The following NOTCH2 variants were observed in gnomAD, a reference collection of about 807,000 sequenced individuals.
NOTCH2 encodes the protein neurogenic locus notch homolog protein 2.
NOTCH2 carries 29 observed loss-of-function variants against 235.8 expected under a neutral mutation model. That is an observed-to-expected ratio of 0.12 (90% CI 0.09 to 0.17). The LOEUF is 0.17. NOTCH2 is among the 10% of genes least tolerant of loss of function. NOTCH2 has a pLI of 1.00. For synonymous variants in NOTCH2, 1,086 were observed against 1,141.5 expected, an observed-to-expected ratio of 0.95 and a Z score of 0.98; for missense variants, 2,285 against 3,150.2, an observed-to-expected ratio of 0.73 and a Z score of 6.57.
At chr1:119,932,653 C>CTCAG (rs1649711205) in intron 22 of NOTCH2, among the ~76,000 whole-genome samples, 2 of 135,508 alleles carry the variant, frequency 1.5e-5, no homozygotes, top group East Asian at 2.3e-4. Context: ...CTATCTATCT[C>CTCAG]AGAGAGAGAG....
intron 1 of NOTCH2, among the ~76,000 whole-genome samples, chr1:120,033,696 A>AT (rs1654190757): frequency 1.3e-5 from 2 of 150,020 alleles, no homozygotes. Flanking sequence ...CACAAGAAGA[A>AT]TTTTTTTGTA....
At chr1:119,984,796 A>T (rs1651948312) in intron 5 of NOTCH2, among the ~76,000 whole-genome samples, 1 of 152,202 alleles carries the variant, frequency 6.6e-6, no homozygotes, top group Admixed American at 6.5e-5. Context: ...AATAATATCA[A>T]TACAAACGTG....
chr1:119,941,971 C>T (rs1436420560), intron 17 of NOTCH2, among the ~76,000 whole-genome samples: 1 of 152,190 alleles, frequency 6.6e-6, no homozygotes. Flanking sequence ...TCATCTATGT[C>T]ACCACCAACA....
chr1:119,985,572 C>G (rs1019833763), intron 5 of NOTCH2, among the ~76,000 whole-genome samples: 1 of 152,096 alleles, frequency 6.6e-6, no homozygotes, highest in Non-Finnish European at 1.5e-5. Context: ...CATCAGAAGC[C>G]TCAGTACTAC....
At position 119,969,515 on chromosome 1, in the gene NOTCH2, C is replaced by T. The variant is rs782275555; in HGVS notation, c.1104G>A (p.Lys368=). 2 of 1,613,652 alleles carry T rather than the reference C, an allele frequency of 1.2e-6. No homozygotes were observed. The highest frequency in any genetic ancestry group is 1.1e-5 in the South Asian group (1 of 91,050). Residue 368 remains lysine (K), a synonymous_variant, in exon 6 of 34, where the codon AAG becomes AAA. Transcript: ENST00000256646. ...ASFSCMCPEG[K]AGLLCHLDDA... is the part of the protein sequence containing the mutation. The stretch of plus-strand genomic sequence containing the variant: ...ATCCGTCCTTCTGCTACCTACCTGC[C>T]TTCCCCTCTGGGCACATGCAAGAGA...
Position 119,920,283 on chromosome 1 carries a change from G to A in NOTCH2, c.5425C>T (p.Pro1809Ser). The change falls in exon 30 of 34, where the codon CCT becomes TCT. Residue 1809 changes from proline to serine, a missense_variant. By Grantham distance (74) the Pro-to-Ser change is moderately conservative. Transcript: ENST00000256646. ...TCCACCTCCTGCTCTGCCTGAGGAG[G>A]GGTGAGAGCCAGCGATGGTGTCCTA... ...IRRTPSLALT[P>S]PQAEQEVDVL... 1 of 1,614,190 alleles carries A rather than the reference G, an allele frequency of 6.2e-7. No homozygotes were observed. The highest frequency in any genetic ancestry group is 8.5e-7 in the Non-Finnish European group (1 of 1,180,036).
At chr1:120,048,394 T>TA (rs1654884425) in intron 1 of NOTCH2, among the ~76,000 whole-genome samples, 1 of 134,850 alleles carries the variant, frequency 7.4e-6, no homozygotes, top group Non-Finnish European at 1.5e-5. Flanking sequence ...AACAATGGAC[T>TA]AAAGCATGCA....
intron 23 of NOTCH2, among the ~76,000 whole-genome samples, chr1:119,927,011 C>T (rs893616662): frequency 3.3e-5 from 5 of 152,238 alleles, no homozygotes; most frequent in African/African-American, 1.2e-4. Flanking sequence ...ATAGGAGAGG[C>T]TACACCAGGC....
At chr1:119,995,917 C>T (rs1240722787) in intron 4 of NOTCH2, 2 of 152,264 alleles carry the variant, frequency 1.3e-5, no homozygotes, top group Admixed American at 1.3e-4. Flanking sequence ...ATAAAACACA[C>T]AATCCCATTA....
At chr1:119,932,321 C>T (rs1214103549) in intron 22 of NOTCH2, among the ~76,000 whole-genome samples, 1 of 152,116 alleles carries the variant, frequency 6.6e-6, no homozygotes, top group Non-Finnish European at 1.5e-5. Context: ...GGTGTGGTGG[C>T]TCACGCCTGT....
At chr1:119,968,283 G>A in intron 6 of NOTCH2, 51 bp from the exon 7 acceptor site, 1 of 1,584,466 alleles carries the variant, frequency 6.3e-7, no homozygotes, top group South Asian at 1.1e-5. Context: ...CTCTCACTTG[G>A]GGAAGAGCTT....
chr1:119,951,956 C>T (rs966380201), intron 14 of NOTCH2, among the ~76,000 whole-genome samples: 10 of 152,130 alleles, frequency 6.6e-5, no homozygotes, highest in Non-Finnish European at 1.5e-4. Context: ...CAATGTAATA[C>T]AATATATCAG....
intron 32 of NOTCH2, 53 bp downstream of exon 32, chr1:119,918,353 G>A (rs1158362539): frequency 8.1e-6 from 13 of 1,604,940 alleles, no homozygotes; most frequent in South Asian, 2.2e-5. Flanking sequence ...TATTCCCCTC[G>A]TCAGAGGCAT....
chr1:120,015,969 GA>G (rs1322071580), intron 2 of NOTCH2, among the ~76,000 whole-genome samples: 3 of 129,876 alleles, frequency 2.3e-5, no homozygotes, highest in Non-Finnish European at 3.3e-5. Context: ...AAAAAAGAAA[GA>G]AAAAAAGGAA....
At chr1:119,917,352 G>T (rs587603100) in intron 33 of NOTCH2, among the ~76,000 whole-genome samples, 3 of 152,142 alleles carry the variant, frequency 2.0e-5, no homozygotes, top group Non-Finnish European at 4.4e-5. Flanking sequence ...GAAAGAAAAC[G>T]AGAAAAAGAA....
At chr1:119,971,860 T>G (rs1407532238) in intron 5 of NOTCH2, among the ~76,000 whole-genome samples, 1 of 152,220 alleles carries the variant, frequency 6.6e-6, no homozygotes, top group Admixed American at 6.5e-5. Flanking sequence ...AGATGCCTCT[T>G]GCAACAGGTC....
chr1:119,918,511 T>C lies in NOTCH2; in HGVS notation c.5824A>G (p.Asn1942Asp). ...AGGATCAGGGGTGTAGTACCATCAT[T>C]CATCCTGGCATCTAGATCAGTTACT... ...NRVTDLDARM[N>D]DGTTPLILAA... Residue 1942 changes from asparagine to aspartate, a missense_variant, in exon 32 of 34, where the codon AAT becomes GAT. Physicochemically the swap from Asn to Asp is conservative, Grantham distance 23. Transcript: ENST00000256646. 1.2e-6 allele frequency: 2 copies of C among 1,614,164 alleles called. No homozygotes were observed. The highest frequency in any genetic ancestry group is 1.7e-6 in the Non-Finnish European group (2 of 1,180,030).
chr1:120,042,368 T>C (rs1183020939), intron 1 of NOTCH2, among the ~76,000 whole-genome samples: 1 of 94,816 alleles, frequency 1.1e-5, no homozygotes, highest in Non-Finnish European at 1.8e-5. Flanking sequence ...CTCTTTTGTT[T>C]ATCACTCTTA....
rs1650362306 is a variant in NOTCH2 at position 119,949,019 on chromosome 1, G to A, written c.2587C>T (p.Pro863Ser). 1 of 1,614,124 alleles carries A rather than the reference G, an allele frequency of 6.2e-7. No homozygotes were observed. Among genetic ancestry groups the A allele is most frequent in the South Asian group, 1.1e-5 (1 of 91,078 alleles). Residue 863 changes from proline (P) to serine (S), a missense_variant, in exon 16 of 34, where the codon CCT becomes TCT. This residue lies in a region of NOTCH2 where 1,173 missense variants were observed against 1,515.3 expected (regional missense o/e 0.77). Transcript: ENST00000256646. Reference protein sequence around the residue: ...NFESYTCLCAPGWQGQRCTID... With the variant: ...NFESYTCLCASGWQGQRCTID... ...CCCATGTTCTTACCTTGCCAGCCAG[G>A]AGCACACAAGCAAGTATAACTCTCA...
Sources: allele counts gnomAD v4.1 joint callset (sites outside exome capture counted in the v4.1 genomes callset), GRCh38; gene constraint gnomAD v4.1.1; regional missense constraint gnomAD v4.1.1; transcripts MANE v1.5; gene names NCBI Gene and HGNC (gene_info 2026-07-23, HGNC 2026-07-21).